CTIF: variants seen among roughly 807,000 people sequenced by gnomAD.
CTIF encodes the protein cap binding complex dependent translation initiation factor, also known as CBP80/20-dependent translation initiation factor.
In CTIF, 21 loss-of-function variants were observed where a neutral mutation model predicts 66.0. That is an observed-to-expected ratio of 0.32 (90% CI 0.23 to 0.46). The LOEUF (loss-of-function observed/expected upper bound fraction) is 0.46, where lower values mean the gene tolerates loss of function less well. Ranked by LOEUF, CTIF falls within the 20% of genes least tolerant of loss-of-function variation. CTIF has a pLI of 1.00. For synonymous variants in CTIF, 345 were observed against 326.4 expected (o/e 1.06, Z -0.62); for missense variants, 739 against 812.7 (o/e 0.91, Z 1.10).
chr18:48,578,925 G>A (rs2143775453), intron 1 of CTIF, among the ~76,000 whole-genome samples: 1 of 152,252 alleles, frequency 6.6e-6, no homozygotes, highest in African/African-American at 2.4e-5. Context: ...CTATTCCAAG[G>A]TCACAACAAT....
chr18:48,604,314 C>T (rs906817148), intron 1 of CTIF, among the ~76,000 whole-genome samples: 12 of 150,768 alleles, frequency 8.0e-5, no homozygotes, highest in Non-Finnish European at 1.6e-4. Context: ...TTAGCTGGGA[C>T]TACAGGCGCC....
chr18:48,562,459 C>T (rs959760022), intron 1 of CTIF, among the ~76,000 whole-genome samples: 2 of 152,188 alleles, frequency 1.3e-5, no homozygotes, highest in African/African-American at 4.8e-5. Context: ...TGGAGCAGGC[C>T]CCACTAACTA....
intron 6 of CTIF, among the ~76,000 whole-genome samples, chr18:48,695,837 G>A (rs950117604): frequency 2.0e-5 from 3 of 152,224 alleles, no homozygotes; most frequent in Non-Finnish European, 2.9e-5. Context: ...AGAAGAGCGC[G>A]TATTTATCGG....
chr18:48,739,671 C>T (rs911891018), intron 7 of CTIF, among the ~76,000 whole-genome samples: 3 of 152,244 alleles, frequency 2.0e-5, no homozygotes, highest in African/African-American at 4.8e-5. Context: ...AATGGCGGCC[C>T]GGCAGATTGG....
intron 7 of CTIF, among the ~76,000 whole-genome samples, chr18:48,739,491 C>A (rs537948791): frequency 2.6e-5 from 4 of 152,230 alleles, no homozygotes; most frequent in Non-Finnish European, 5.9e-5. Flanking sequence ...CTGCTCTGGC[C>A]CTGGCTCTGC....
At chr18:48,816,659 G>GATGA (rs79059407) in intron 9 of CTIF, among the ~76,000 whole-genome samples, 13,731 of 152,224 alleles carry the variant, frequency 0.09, 702 homozygotes, top group African/African-American at 0.13. Flanking sequence ...TTTTAAGGAG[G>GATGA]ATGAATGAAT....
intron 6 of CTIF, among the ~76,000 whole-genome samples, chr18:48,685,596 A>G (rs1225388449): frequency 6.6e-6 from 1 of 152,202 alleles, no homozygotes; most frequent in Non-Finnish European, 1.5e-5. Context: ...ATGGAGAGGC[A>G]CAGGGATTTC....
intron 7 of CTIF, among the ~76,000 whole-genome samples, chr18:48,719,301 C>G (rs1478775540): frequency 6.6e-6 from 1 of 152,114 alleles, no homozygotes; most frequent in African/African-American, 2.4e-5. Flanking sequence ...CTTTAAGTCA[C>G]AGCTGCTATC....
At chr18:48,742,450 C>G (rs2092562866) in intron 7 of CTIF, among the ~76,000 whole-genome samples, 2 of 152,256 alleles carry the variant, frequency 1.3e-5, no homozygotes, top group Admixed American at 6.5e-5. Context: ...GAGGCTGAAC[C>G]TGCCACAGGA....
chr18:48,670,826 G>T, intron 6 of CTIF, 82 bp downstream of exon 6: 1 of 1,212,962 alleles, frequency 8.2e-7, no homozygotes, highest in African/African-American at 1.5e-5. Context: ...CCTAACCAAA[G>T]CACTCCTTCT....
chr18:48,696,611 T>C (rs11878137), intron 6 of CTIF, among the ~76,000 whole-genome samples: 22,260 of 152,192 alleles, frequency 0.15, 3,667 homozygotes, highest in African/African-American at 0.41. Context: ...CCCATTTGGG[T>C]TCAGCAAACA....
chr18:48,753,377 C>A (rs767899092), intron 7 of CTIF, among the ~76,000 whole-genome samples: 9 of 152,126 alleles, frequency 5.9e-5, no homozygotes, highest in Non-Finnish European at 1.2e-4. Context: ...CATTTGTCTC[C>A]ATTTGGACTG....
At chr18:48,818,412 T>C (rs62103299) in intron 10 of CTIF, among the ~76,000 whole-genome samples, 32,357 of 152,094 alleles carry the variant, frequency 0.21, 3,710 homozygotes, top group African/African-American at 0.3. Context: ...CCCCATTTTC[T>C]GAGATGGAGG....
At chr18:48,732,665 T>C (rs2092466915) in intron 7 of CTIF, among the ~76,000 whole-genome samples, 1 of 152,230 alleles carries the variant, frequency 6.6e-6, no homozygotes, top group Admixed American at 6.5e-5. Flanking sequence ...CTTCTGGACA[T>C]GAGGTTTCTT....
At chr18:48,846,635 A>C (rs1177265097) in intron 10 of CTIF, among the ~76,000 whole-genome samples, 1 of 151,312 alleles carries the variant, frequency 6.6e-6, no homozygotes, top group African/African-American at 2.4e-5. Flanking sequence ...GAGTAGATAG[A>C]TGGATGAAAG....
intron 10 of CTIF, among the ~76,000 whole-genome samples, chr18:48,842,202 G>A (rs1007795985): frequency 7.2e-5 from 11 of 152,184 alleles, no homozygotes; most frequent in Non-Finnish European, 1.2e-4. Context: ...CAGGGGATGG[G>A]CCAATGCCAA....
chr18:48,577,086 C>T (rs1215051778), intron 1 of CTIF, among the ~76,000 whole-genome samples: 2 of 152,160 alleles, frequency 1.3e-5, no homozygotes, highest in Non-Finnish European at 2.9e-5. Context: ...GGAGCCAGGA[C>T]TTGAGGTTGG....
chr18:48,809,172 GTTAA>G (rs2068211909), intron 9 of CTIF, among the ~76,000 whole-genome samples: 1 of 152,032 alleles, frequency 6.6e-6, no homozygotes, highest in African/African-American at 2.4e-5. Flanking sequence ...AATCTCACTA[GTTAA>G]TTCTGTCATA....
At chr18:48,810,681 G>T (rs1348396715) in intron 9 of CTIF, among the ~76,000 whole-genome samples, 6 of 149,230 alleles carry the variant, frequency 4.0e-5, no homozygotes, top group African/African-American at 1.5e-4. Flanking sequence ...TTTATTTCCT[G>T]ATATAATTCT....
Sources: gnomAD v4.1 joint callset for allele counts (sites outside exome capture counted in the v4.1 genomes callset) on GRCh38, gnomAD v4.1.1 for gene constraint, MANE v1.5 for transcripts, NCBI Gene and HGNC (gene_info 2026-07-23, HGNC 2026-07-21) for gene names.